Variants in ZNF610 observed in about 807,000 individuals in gnomAD.
ZNF610 encodes zink finger protein.
In ZNF610, 14 loss-of-function variants were observed where a neutral mutation model predicts 14.1. That is an observed-to-expected ratio of 0.99 (90% CI 0.65 to 1.55). The LOEUF (loss-of-function observed/expected upper bound fraction) is 1.55. ZNF610 is among the 40% of genes most tolerant of loss of function. The pLI is 0.00. For synonymous variants in ZNF610, 185 were observed against 187.6 expected (o/e 0.99, Z 0.11); for missense variants, 530 against 558.0 (o/e 0.95, Z 0.51).
At chr19:52,337,473 C>T (rs1984440013) in intron 1 of ZNF610, among the ~76,000 whole-genome samples, 1 of 150,372 alleles carries the variant, frequency 6.7e-6, no homozygotes, top group Non-Finnish European at 1.5e-5. Context: ...AACAAATTGC[C>T]AGAATGGAGC....
intron 1 of ZNF610, among the ~76,000 whole-genome samples, chr19:52,337,446 A>G (rs1357488895): frequency 6.6e-6 from 1 of 152,096 alleles, no homozygotes; most frequent in African/African-American, 2.4e-5. Flanking sequence ...TTGGACACAA[A>G]GAGGAACAAG....
intron 5 of ZNF610, among the ~76,000 whole-genome samples, chr19:52,362,405 A>T (rs1195424578): frequency 6.6e-6 from 1 of 152,202 alleles, no homozygotes; most frequent in Non-Finnish European, 1.5e-5. Flanking sequence ...GCGAGACTCC[A>T]TCTCAAAAAT....
intron 5 of ZNF610, among the ~76,000 whole-genome samples, chr19:52,354,784 G>A (rs1985449264): frequency 6.6e-6 from 1 of 151,684 alleles, no homozygotes; most frequent in Admixed American, 6.6e-5. Context: ...TCACCATGTT[G>A]GACAGGTGGG....
intron 4 of ZNF610, 140 bp from the exon 5 acceptor site, chr19:52,354,111 A>G: frequency 8.3e-7 from 1 of 1,202,152 alleles, no homozygotes; most frequent in Non-Finnish European, 1.2e-6. Context: ...TTCCCTAAGC[A>G]TTCAGAAGGA....
chr19:52,349,594 A>G (rs1036959680), intron 3 of ZNF610, among the ~76,000 whole-genome samples: 3 of 146,514 alleles, frequency 2.0e-5, no homozygotes, highest in South Asian at 2.1e-4. Context: ...TTTTTTTGAG[A>G]CAGAGTCTTG....
chr19:52,349,000 C>A (rs1264792237), intron 2 of ZNF610, 154 bp from the exon 3 acceptor site: 2 of 607,604 alleles, frequency 3.3e-6, no homozygotes, highest in Admixed American at 3.0e-5. Context: ...CTCATTCTTC[C>A]TGTAGGAATT....
intron 5 of ZNF610, among the ~76,000 whole-genome samples, chr19:52,361,166 A>G (rs1399887078): frequency 1.3e-5 from 2 of 149,832 alleles, no homozygotes; most frequent in African/African-American, 4.9e-5. Flanking sequence ...ACACAGTTGT[A>G]CAATCTCATT....
chr19:52,365,869 T>G lies in ZNF610; in HGVS notation c.491T>G (p.Leu164Arg). 1 of 1,612,912 alleles carries G rather than the reference T, an allele frequency of 6.2e-7. No homozygotes were observed. Among genetic ancestry groups the G allele is most frequent in the Non-Finnish European group, 8.5e-7 (1 of 1,179,738 alleles). The change falls in exon 6 of 6, where the codon CTT (leucine) becomes CGT (arginine). Residue 164 changes from leucine to arginine, a missense_variant. Transcript: ENST00000403906. Reference protein sequence around the residue: ...FTNHRSSVSPLQKISSSFTTH... With the variant: ...FTNHRSSVSPRQKISSSFTTH... ...AACCATCGTTCCTCAGTTTCACCAC[T>G]TCAAAAAATTTCTTCTAGTTTCACA...
chr19:52,360,582 C>A (rs1985728609), intron 5 of ZNF610, among the ~76,000 whole-genome samples: 2 of 152,204 alleles, frequency 1.3e-5, no homozygotes, highest in African/African-American at 4.8e-5. Context: ...GTAGATTCCT[C>A]GTATTCCTAA....
At chr19:52,356,667 G>C (rs2560886) in intron 5 of ZNF610, among the ~76,000 whole-genome samples, 3,169 of 152,116 alleles carry the variant, frequency 0.021, 65 homozygotes, top group East Asian at 0.073. Flanking sequence ...TTTGTTGTAC[G>C]TGACTTAGTA....
At chr19:52,364,601 C>T (rs766690997) in intron 5 of ZNF610, among the ~76,000 whole-genome samples, 35 of 152,264 alleles carry the variant, frequency 2.3e-4, no homozygotes, top group Admixed American at 9.8e-4. Flanking sequence ...CTCGCTCTGT[C>T]GCCCAGGCTA....
At chr19:52,343,502 G>A (rs1313645008) in intron 1 of ZNF610, among the ~76,000 whole-genome samples, 7 of 152,204 alleles carry the variant, frequency 4.6e-5, no homozygotes, top group Middle Eastern at 3.4e-3. Flanking sequence ...CTGAGGCAGA[G>A]GTTGCAGCGA....
rs1350021548 is a variant in ZNF610 at position 52,357,012 on chromosome 19, T to TA, written c.319+2633_319+2634insA. 2.6e-3 allele frequency among the ~76,000 whole-genome samples: 391 copies of TA among 152,244 alleles called. 2 individuals carry two copies. Among genetic ancestry groups the TA allele is most frequent in the African/African-American group, 8.7e-3 (362 of 41,532 alleles). On this transcript the variant is annotated intron_variant, in intron 5 of 5. Transcript: ENST00000403906. ...TGATGCTGTGTACCTGGAGAGCGTG[T>TA]CACATGCCACAGGTTGAGGGCTCAG...
chr19:52,363,972 T>C (rs928007049), intron 5 of ZNF610, among the ~76,000 whole-genome samples: 6 of 152,232 alleles, frequency 3.9e-5, no homozygotes, highest in African/African-American at 1.4e-4. Flanking sequence ...TTTTTAATTG[T>C]GACATGCTTT....
intron 1 of ZNF610, among the ~76,000 whole-genome samples, chr19:52,346,466 G>A (rs1017158639): frequency 1.3e-5 from 2 of 152,032 alleles, no homozygotes; most frequent in Non-Finnish European, 2.9e-5. Context: ...CCAGACTAAC[G>A]TTTGTATTTT....
upstream of ZNF610, among the ~76,000 whole-genome samples, chr19:52,335,158 A>AG (rs373260208): frequency 9.9e-4 from 150 of 151,890 alleles, no homozygotes; most frequent in African/African-American, 3.5e-3. Flanking sequence ...ACAAAAAATT[A>AG]GGCGGGCGTG....
rs1219329723 is a variant in ZNF610, at chr19:52,336,428, A to G, written c.-336A>G. On this transcript the variant is annotated 5_prime_UTR_variant, in exon 1 of 6. Coordinates refer to ENST00000403906, the MANE Select transcript of ZNF610 (RefSeq NM_001161425.2). ...CCGTGTAAATTCAGGCGTCTCCGTG[A>G]GAGTCCGGCGCTCGCTTCCCTGTGT... 1.1e-5 allele frequency: 2 copies of G among 180,018 alleles called. No homozygotes were observed. The highest frequency in any genetic ancestry group is 1.2e-5 in the Non-Finnish European group (1 of 85,834). The allele number at this position is 180,018 out of a possible 1,614,324, so 11.2% of individuals were successfully genotyped here.
intron 5 of ZNF610, among the ~76,000 whole-genome samples, chr19:52,364,625 C>T (rs2903978): frequency 0.18 from 27,059 of 152,144 alleles, 2,691 homozygotes; most frequent in East Asian, 0.26. Context: ...TGCTGTGGCG[C>T]GATCTTGGCT....
chr19:52,351,483 C>T (rs951559422), intron 3 of ZNF610, among the ~76,000 whole-genome samples: 4 of 151,734 alleles, frequency 2.6e-5, no homozygotes, highest in Admixed American at 6.6e-5. Context: ...AGAAATCAGT[C>T]ACCTCTCTTT....
Sources: allele counts gnomAD v4.1 joint callset (sites outside exome capture counted in the v4.1 genomes callset), GRCh38; gene constraint gnomAD v4.1.1; transcripts MANE v1.5; gene names NCBI Gene and HGNC (gene_info 2026-07-23, HGNC 2026-07-21).